UGT1A9: variants seen among roughly 807,000 people sequenced by gnomAD.
UGT1A9 encodes UDP-glucuronosyltransferase 1A9.
UGT1A9 carries 35 observed loss-of-function variants against 45.0 expected under a neutral mutation model. The observed-to-expected ratio is 0.78, with a 90% CI of 0.59 to 1.03. The LOEUF is 1.03. Among genes scored for constraint, UGT1A9 ranks in the 50% least tolerant of loss-of-function variants. UGT1A9 has a pLI of 0.00. For synonymous variants in UGT1A9, 278 were observed against 250.6 expected, an observed-to-expected ratio of 1.11 and a Z score of -1.03; for missense variants, 687 against 666.6, an observed-to-expected ratio of 1.03 and a Z score of -0.34.
chr2:233,763,534 C>A (rs545430015), intron 1 of UGT1A9, among the ~76,000 whole-genome samples: 1 of 152,066 alleles, frequency 6.6e-6, no homozygotes, highest in Non-Finnish European at 1.5e-5. Flanking sequence ...CTCCTTTTTC[C>A]GGATTTCTAC....
chr2:233,675,884 T>G (rs2074338767), intron 1 of UGT1A9, among the ~76,000 whole-genome samples: 1 of 152,154 alleles, frequency 6.6e-6, no homozygotes, highest in African/African-American at 2.4e-5. Flanking sequence ...AGCCACAATA[T>G]CATTATCATA....
chr2:233,720,875 T>C (rs1162518067), intron 1 of UGT1A9, among the ~76,000 whole-genome samples: 2 of 150,264 alleles, frequency 1.3e-5, no homozygotes, highest in East Asian at 3.9e-4. Context: ...CTGGCAATTT[T>C]TTTTTTTTTT....
At chr2:233,745,046 G>GT (rs1692997137) in intron 1 of UGT1A9, among the ~76,000 whole-genome samples, 1 of 151,780 alleles carries the variant, frequency 6.6e-6, no homozygotes, top group Admixed American at 6.6e-5. Flanking sequence ...TACAGTATTG[G>GT]TTTTTTATTT....
chr2:233,765,190 A>G (rs186057259), intron 1 of UGT1A9, among the ~76,000 whole-genome samples: 22 of 152,308 alleles, frequency 1.4e-4, no homozygotes, highest in Admixed American at 5.2e-4. Flanking sequence ...ACATCACACA[A>G]TCATATTAGT....
chr2:233,678,745 C>G (rs1490676757), intron 1 of UGT1A9, among the ~76,000 whole-genome samples: 1 of 147,482 alleles, frequency 6.8e-6, no homozygotes, highest in South Asian at 2.2e-4. Context: ...GATTGGAAAG[C>G]ACTCATCTCT....
At chr2:233,708,894 G>C (rs181869766) in intron 1 of UGT1A9, among the ~76,000 whole-genome samples, 1 of 152,206 alleles carries the variant, frequency 6.6e-6, no homozygotes, top group Non-Finnish European at 1.5e-5. Context: ...AATCTCAGGG[G>C]CTATCTGGTT....
At chr2:233,690,220 G>A (rs939015605) in intron 1 of UGT1A9, among the ~76,000 whole-genome samples, 1 of 152,112 alleles carries the variant, frequency 6.6e-6, no homozygotes, top group Admixed American at 6.5e-5. Context: ...TGCCATTTTA[G>A]TATTCTAGAT....
chr2:233,738,615 C>T lies in UGT1A9; in HGVS notation c.856-28419C>T, dbSNP rs190192640. 3.7e-3 allele frequency among the ~76,000 whole-genome samples: 556 copies of T among 152,294 alleles called. 1 individual carries two copies. Among genetic ancestry groups the T allele is most frequent in the Admixed American group, 7.3e-3 (112 of 15,298 alleles). ...CTTGCTAAGCTTTAGCAAAGAAACT[C>T]GTGGCATTTTTGCCCCTGCCCTAGA... is the stretch of plus-strand genomic sequence containing the variant. On this transcript the variant is annotated intron_variant, in intron 1 of 4. Coordinates refer to ENST00000354728, the MANE Select transcript of UGT1A9 (RefSeq NM_021027.3).
intron 1 of UGT1A9, among the ~76,000 whole-genome samples, chr2:233,705,638 G>A (rs2075862105): frequency 6.6e-6 from 1 of 152,200 alleles, no homozygotes; most frequent in African/African-American, 2.4e-5. Flanking sequence ...GTTCTAGGAA[G>A]TTGAAGGTCT....
intron 1 of UGT1A9, among the ~76,000 whole-genome samples, chr2:233,751,872 G>A (rs151015857): frequency 1.6e-4 from 24 of 152,228 alleles, no homozygotes; most frequent in African/African-American, 2.2e-4. Context: ...AAATTACCCC[G>A]TCTTGGGTAT....
At chr2:233,739,280 A>G (rs1046520383) in intron 1 of UGT1A9, among the ~76,000 whole-genome samples, 11 of 152,210 alleles carry the variant, frequency 7.2e-5, no homozygotes, top group African/African-American at 2.7e-4. Context: ...GCCCCCACAC[A>G]GAGTCTCCAC....
At chr2:233,716,751 G>A (rs900841882) in intron 1 of UGT1A9, among the ~76,000 whole-genome samples, 2 of 152,184 alleles carry the variant, frequency 1.3e-5, no homozygotes, top group African/African-American at 4.8e-5. Flanking sequence ...GATTGGGAGA[G>A]GGGAGCTAGA....
chr2:233,727,765 T>C (rs2077651083), intron 1 of UGT1A9, among the ~76,000 whole-genome samples: 1 of 152,200 alleles, frequency 6.6e-6, no homozygotes. Context: ...TTGAGCTGGG[T>C]GTCCCCCAGT....
At chr2:233,736,362 A>G (rs1213397450) in intron 1 of UGT1A9, among the ~76,000 whole-genome samples, 1 of 152,180 alleles carries the variant, frequency 6.6e-6, no homozygotes, top group African/African-American at 2.4e-5. Flanking sequence ...CAGCTCCATC[A>G]GGTCATTTAA....
intron 1 of UGT1A9, chr2:233,753,536 C>G (rs1575719144): frequency 6.6e-6 from 1 of 152,188 alleles, no homozygotes. Flanking sequence ...CTCATGCAAA[C>G]TTTTCCTCAG....
chr2:233,689,778 T>C (rs192749623), intron 1 of UGT1A9: 1 of 339,482 alleles, frequency 2.9e-6, no homozygotes, highest in East Asian at 9.6e-5. Flanking sequence ...CGGGGACATA[T>C]GTTATGATGT....
intron 1 of UGT1A9, chr2:233,693,975 G>A (rs1050252504): frequency 2.0e-5 from 32 of 1,565,898 alleles, no homozygotes; most frequent in Non-Finnish European, 2.6e-5. Flanking sequence ...CTGGAGAAAC[G>A]GTGGGGGGAA....
intron 1 of UGT1A9, among the ~76,000 whole-genome samples, chr2:233,683,893 T>C (rs537547102): frequency 6.6e-6 from 1 of 152,300 alleles, no homozygotes; most frequent in Admixed American, 6.5e-5. Flanking sequence ...TATTTATACC[T>C]CTTATTTTGG....
At chr2:233,743,650 G>C (rs556129739) in intron 1 of UGT1A9, 34 of 1,367,276 alleles carry the variant, frequency 2.5e-5, no homozygotes, top group East Asian at 9.1e-5. Flanking sequence ...AGCTGAAGAC[G>C]TACTCGAAGG....
Sources: gnomAD v4.1 joint callset for allele counts (sites outside exome capture counted in the v4.1 genomes callset) on GRCh38, gnomAD v4.1.1 for gene constraint, MANE v1.5 for transcripts, NCBI Gene and HGNC (gene_info 2026-07-23, HGNC 2026-07-21) for gene names.